The following DYNC2H1 variants were observed in gnomAD, a reference collection of about 807,000 sequenced individuals.
The protein encoded by DYNC2H1 is cytoplasmic dynein 2 heavy chain 1.
DYNC2H1 carries 410 observed loss-of-function variants against 570.0 expected under a neutral mutation model. That is an observed-to-expected ratio of 0.72 (90% CI 0.66 to 0.78). The LOEUF (loss-of-function observed/expected upper bound fraction) is 0.78. Among genes scored for constraint, DYNC2H1 ranks in the 30% least tolerant of loss-of-function variants. The probability of loss-of-function intolerance (pLI) is 0.00; values close to 1 mark genes in which losing one functional copy is unlikely to be tolerated. For missense variants in DYNC2H1, 4,865 were observed against 5,046.4 expected (o/e 0.96, Z 1.09); for synonymous variants, 1,688 against 1,677.6 (o/e 1.01, Z -0.15).
chr11:103,310,678 T>C (rs910770065), intron 78 of DYNC2H1, among the ~76,000 whole-genome samples: 7 of 80,914 alleles, frequency 8.7e-5, no homozygotes, highest in African/African-American at 1.1e-4. Context: ...ATTTTCTTTT[T>C]TTTTTTTTTT....
intron 84 of DYNC2H1, among the ~76,000 whole-genome samples, chr11:103,418,182 T>C (rs1217345346): frequency 6.7e-6 from 1 of 148,970 alleles, no homozygotes; most frequent in African/African-American, 2.5e-5. Flanking sequence ...AGTAAAAATA[T>C]TAAGAAAAAT....
At chr11:103,274,769 C>T (rs922398672) in intron 70 of DYNC2H1, among the ~76,000 whole-genome samples, 7 of 152,040 alleles carry the variant, frequency 4.6e-5, no homozygotes, top group African/African-American at 1.7e-4. Flanking sequence ...TGGCCAATTG[C>T]TTAGATCTGT....
chr11:103,316,740 AT>A, intron 80 of DYNC2H1, 120 bp downstream of exon 80: 1 of 707,968 alleles, frequency 1.4e-6, no homozygotes, highest in Non-Finnish European at 2.2e-6. Context: ...TGTGCTTTTT[AT>A]TTTATTTTTT....
intron 82 of DYNC2H1, among the ~76,000 whole-genome samples, chr11:103,327,955 A>G (rs966339787): frequency 6.6e-6 from 1 of 152,216 alleles, no homozygotes; most frequent in African/African-American, 2.4e-5. Context: ...TTCCACCCTT[A>G]TCTTAACTAC....
intron 83 of DYNC2H1, among the ~76,000 whole-genome samples, chr11:103,385,751 T>C (rs1941845212): frequency 6.6e-6 from 1 of 152,216 alleles, no homozygotes; most frequent in South Asian, 2.1e-4. Context: ...CACAGTGTTC[T>C]TTAAAATTCA....
At position 103,472,820 on chromosome 11, in the gene DYNC2H1, C is replaced by CT. The variant is rs200519741; in HGVS notation, c.12765+4124dup. Among the ~76,000 whole-genome samples the CT allele has an allele frequency of 2.2e-3, 340 of 151,394 alleles. 3 individuals carry two copies. Among genetic ancestry groups the CT allele is most frequent in the African/African-American group, 6.9e-3 (284 of 41,308 alleles). On this transcript the variant is annotated intron_variant, in intron 88 of 88. Coordinates refer to ENST00000375735, the MANE Select transcript of DYNC2H1 (RefSeq NM_001377.3). The surrounding 1 kb of genome is among the most constrained non-coding windows in gnomAD (Gnocchi z 4.1). ...AAAATTCAGAACTTTGGTAACTAAACTTTTTTTTTACACCAGAAGGAGGTT... is the reference window on the plus strand; with the variant it reads ...AAAATTCAGAACTTTGGTAACTAAACTTTTTTTTTTACACCAGAAGGAGGTT...
intron 85 of DYNC2H1, among the ~76,000 whole-genome samples, chr11:103,436,256 C>T (rs1273564532): frequency 4.1e-5 from 6 of 146,862 alleles, no homozygotes; most frequent in African/African-American, 1.0e-4. Flanking sequence ...TCATCATTTT[C>T]GAGAATTTAG....
chr11:103,226,139 A>G (rs1044717639), intron 59 of DYNC2H1, among the ~76,000 whole-genome samples: 2 of 152,128 alleles, frequency 1.3e-5, no homozygotes, highest in African/African-American at 4.8e-5. Flanking sequence ...TTCTAGGTAT[A>G]TAATAGTATC....
chr11:103,116,033 A>C (rs553427144), intron 4 of DYNC2H1, among the ~76,000 whole-genome samples: 2 of 152,282 alleles, frequency 1.3e-5, no homozygotes. Flanking sequence ...GAACATAAAA[A>C]GTCTACTCTT....
chr11:103,245,123 T>A lies in DYNC2H1; in HGVS notation c.9919-128T>A. 1.3e-6 allele frequency: 1 copy of A among 771,096 alleles called. No individual in the cohort carries two copies. Among genetic ancestry groups the A allele is most frequent in the Non-Finnish European group, 1.9e-6 (1 of 516,748 alleles). 47.8% of individuals were successfully genotyped at this position (771,096 alleles called of 1,614,324 possible). ...CTTATTAATACTTGGGTGAGTAATT[T>A]ATTACCTATAGAATCTGAAATTGTG... On this transcript the variant is annotated intron_variant, in intron 64 of 88. Coordinates refer to ENST00000375735, the MANE Select transcript of DYNC2H1 (RefSeq NM_001377.3). The surrounding 1 kb of genome is among the most constrained non-coding windows in gnomAD (Gnocchi z 4.5).
intron 70 of DYNC2H1, among the ~76,000 whole-genome samples, chr11:103,271,563 T>G (rs1213211975): frequency 6.6e-6 from 1 of 152,220 alleles, no homozygotes; most frequent in Non-Finnish European, 1.5e-5. Flanking sequence ...GCTTCCTTAG[T>G]CTCTTTGAGG....
At chr11:103,240,962 A>G (rs1565423307) in intron 63 of DYNC2H1, among the ~76,000 whole-genome samples, 1 of 152,152 alleles carries the variant, frequency 6.6e-6, no homozygotes, top group Non-Finnish European at 1.5e-5. Flanking sequence ...ACACCGGAGT[A>G]CTGTAAGTTT....
intron 83 of DYNC2H1, among the ~76,000 whole-genome samples, chr11:103,362,631 G>T (rs1296236966): frequency 6.6e-6 from 1 of 152,050 alleles, no homozygotes; most frequent in Non-Finnish European, 1.5e-5. Flanking sequence ...TCAGCTTTCT[G>T]TCCCTTTGTT....
At chr11:103,286,692 C>T (rs1043735401) in intron 74 of DYNC2H1, among the ~76,000 whole-genome samples, 24 of 151,928 alleles carry the variant, frequency 1.6e-4, no homozygotes, top group Non-Finnish European at 5.9e-5. Flanking sequence ...ACAATCATTT[C>T]CCAGAGTTAT....
At chr11:103,437,151 G>A (rs755961454) in intron 85 of DYNC2H1, among the ~76,000 whole-genome samples, 6 of 152,014 alleles carry the variant, frequency 3.9e-5, no homozygotes, top group African/African-American at 9.7e-5. Flanking sequence ...AGCACCTTAC[G>A]TTTTACTTCA....
chr11:103,376,751 T>C (rs945514881), intron 83 of DYNC2H1, among the ~76,000 whole-genome samples: 1 of 147,896 alleles, frequency 6.8e-6, no homozygotes, highest in African/African-American at 2.5e-5. Context: ...TCCGTATTCT[T>C]TGTTATAAAT....
intron 70 of DYNC2H1, among the ~76,000 whole-genome samples, chr11:103,263,221 C>T (rs141542445): frequency 0.05 from 7,524 of 151,996 alleles, 249 homozygotes; most frequent in Non-Finnish European, 0.071. Flanking sequence ...TTCTTAGAGA[C>T]CTACAAAGAG....
intron 82 of DYNC2H1, among the ~76,000 whole-genome samples, chr11:103,330,944 C>T (rs1358618259): frequency 2.0e-5 from 3 of 152,104 alleles, no homozygotes; most frequent in African/African-American, 7.2e-5. Flanking sequence ...AATAAGTAAA[C>T]CTCAATGATT....
intron 75 of DYNC2H1, among the ~76,000 whole-genome samples, chr11:103,297,427 A>T (rs1866879762): frequency 6.6e-6 from 1 of 152,176 alleles, no homozygotes; most frequent in Non-Finnish European, 1.5e-5. Flanking sequence ...ATGCATTCTA[A>T]GAAATGTGTC....
Sources: gnomAD v4.1 joint callset for allele counts (sites outside exome capture counted in the v4.1 genomes callset) on GRCh38, gnomAD v4.1.1 for gene constraint, Gnocchi (gnomAD v3.1) non-coding constraint, MANE v1.5 for transcripts, NCBI Gene and HGNC (gene_info 2026-07-23, HGNC 2026-07-21) for gene names.